CNTN5: variants seen among roughly 807,000 people sequenced by gnomAD.
CNTN5 encodes the protein contactin 5, also known as contactin-5.
Under a neutral mutation model 129.1 loss-of-function variants are expected in CNTN5, and 77 were observed. The observed-to-expected ratio is 0.60, with a 90% confidence interval of 0.50 to 0.72. CNTN5 has a LOEUF of 0.72. CNTN5 is among the 30% of genes least tolerant of loss of function. The probability of loss-of-function intolerance (pLI) is 0.00; values close to 1 mark genes in which losing one functional copy is unlikely to be tolerated. For synonymous variants in CNTN5, 509 were observed against 465.6 expected, an observed-to-expected ratio of 1.09 and a Z score of -1.20; for missense variants, 1,478 against 1,328.8, an observed-to-expected ratio of 1.11 and a Z score of -1.75.
intron 7 of CNTN5, among the ~76,000 whole-genome samples, chr11:99,921,843 GAAT>G (rs1253817724): frequency 6.6e-6 from 1 of 151,844 alleles, no homozygotes; most frequent in East Asian, 1.9e-4. Context: ...TCATAAATAA[GAAT>G]AGGAAAAAAA....
chr11:100,060,224 A>AT (rs1001645025), intron 9 of CNTN5, among the ~76,000 whole-genome samples: 4 of 151,772 alleles, frequency 2.6e-5, no homozygotes, highest in Admixed American at 1.3e-4. Flanking sequence ...TTAAAAAAAA[A>AT]AAAAAAAGAA....
intron 2 of CNTN5, among the ~76,000 whole-genome samples, chr11:99,330,878 T>A (rs904516382): frequency 6.6e-6 from 1 of 151,916 alleles, no homozygotes; most frequent in African/African-American, 2.4e-5. Flanking sequence ...TACCTAAAAA[T>A]TTATTTTTAT....
At chr11:100,287,102 C>T (rs1950814362) in intron 18 of CNTN5, among the ~76,000 whole-genome samples, 1 of 152,128 alleles carries the variant, frequency 6.6e-6, no homozygotes, top group Non-Finnish European at 1.5e-5. Flanking sequence ...AAATATGGGA[C>T]TATGTGAAAA....
rs538232597 is a variant in CNTN5 at position 100,232,272 on chromosome 11, T to C, written c.2005+7460T>C. On this transcript the variant is annotated intron_variant, in intron 16 of 24. Transcript: ENST00000524871. ...AGGAATTTGAAAAGGAGATGTGAAGTTGCTGTCAGAGACCAAGAGCTACTG... is the reference window on the plus strand; with the variant it reads ...AGGAATTTGAAAAGGAGATGTGAAGCTGCTGTCAGAGACCAAGAGCTACTG... Among the ~76,000 whole-genome samples, 56 of 152,302 alleles carry C rather than the reference T, an allele frequency of 3.7e-4. No individual in the cohort carries two copies. In the South Asian group the frequency reaches 8.3e-3, roughly 23 times the overall value.
In CNTN5 at chr11:99,710,207, CTGT is replaced by C. The variant is rs570291168; in HGVS notation, c.56-109330_56-109328del. ...CTATAGTCCCATTCTAGGGTCACCGCTGTTGTTGTATTTATCATCACTGCCCAG... is the reference window on the plus strand; with the variant it reads ...CTATAGTCCCATTCTAGGGTCACCGCTGTTGTATTTATCATCACTGCCCAG... On this transcript the variant is annotated intron_variant, in intron 3 of 24. Transcript: ENST00000524871. Among the ~76,000 whole-genome samples, 313 of 151,866 alleles carry C rather than the reference CTGT, an allele frequency of 2.1e-3. 2 individuals carry two copies. The highest frequency in any genetic ancestry group is 7.1e-3 in the African/African-American group (296 of 41,474).
intron 1 of CNTN5, among the ~76,000 whole-genome samples, chr11:99,227,714 T>C (rs1289760993): frequency 6.6e-6 from 1 of 152,174 alleles, no homozygotes; most frequent in Non-Finnish European, 1.5e-5. Context: ...TATTTGAATT[T>C]TAAAAAGGTA....
chr11:99,945,787 C>T (rs1180653087), intron 7 of CNTN5, among the ~76,000 whole-genome samples: 2 of 152,026 alleles, frequency 1.3e-5, no homozygotes, highest in East Asian at 1.9e-4. Flanking sequence ...CTTACACGCT[C>T]ATCGAGTTGA....
intron 1 of CNTN5, among the ~76,000 whole-genome samples, chr11:99,173,663 T>A (rs1033734133): frequency 2.6e-5 from 4 of 152,094 alleles, no homozygotes; most frequent in Non-Finnish European, 4.4e-5. Flanking sequence ...ATAGAAAAGG[T>A]GAGAAGAAGG....
chr11:100,196,221 G>T (rs937174739), intron 15 of CNTN5, among the ~76,000 whole-genome samples: 35 of 152,102 alleles, frequency 2.3e-4, no homozygotes, highest in African/African-American at 8.2e-4. Flanking sequence ...ACAGAACCCT[G>T]CCAGTGGGTG....
At chr11:100,151,683 A>G (rs1273880764) in intron 13 of CNTN5, among the ~76,000 whole-genome samples, 1 of 152,156 alleles carries the variant, frequency 6.6e-6, no homozygotes, top group African/African-American at 2.4e-5. Flanking sequence ...CCTATTTCCC[A>G]GATTTTATTA....
chr11:99,296,921 G>C (rs1864413055), intron 1 of CNTN5, among the ~76,000 whole-genome samples: 1 of 152,170 alleles, frequency 6.6e-6, no homozygotes, highest in Non-Finnish European at 1.5e-5. Context: ...GGAGAGACTA[G>C]ACAAGGTTAT....
chr11:100,227,114 G>T (rs1285624382), intron 16 of CNTN5, among the ~76,000 whole-genome samples: 1 of 152,100 alleles, frequency 6.6e-6, no homozygotes. Context: ...TGGCTGAGCA[G>T]TTCACTTTGC....
intron 3 of CNTN5, among the ~76,000 whole-genome samples, chr11:99,787,089 TG>T (rs1158303157): frequency 1.4e-4 from 5 of 36,490 alleles, no homozygotes; most frequent in South Asian, 6.9e-4. Context: ...TGAAACTACA[TG>T]TTTTTTTTTT....
At chr11:99,477,486 C>A (rs1348414152) in intron 2 of CNTN5, among the ~76,000 whole-genome samples, 1 of 151,532 alleles carries the variant, frequency 6.6e-6, no homozygotes, top group Non-Finnish European at 1.5e-5. Flanking sequence ...TTTAATTATT[C>A]TAACCCTAAA....
rs143807471 is a variant in CNTN5, at chr11:99,847,912, C to G, written c.577+2650C>G. On this transcript the variant is annotated intron_variant, in intron 6 of 24. Coordinates refer to ENST00000524871, the MANE Select transcript of CNTN5 (RefSeq NM_014361.4). ...GAAAGAACACAAAGGCAAGGTGAAA[C>G]TTGAAAAATTAGTCCGCAGGCTGGG... 7.4e-4 allele frequency among the ~76,000 whole-genome samples: 113 copies of G among 152,162 alleles called. 1 individual carries two copies. The highest frequency in any genetic ancestry group is 2.6e-3 in the African/African-American group (109 of 41,538).
At chr11:99,228,756 A>G (rs2135721920) in intron 1 of CNTN5, among the ~76,000 whole-genome samples, 1 of 152,132 alleles carries the variant, frequency 6.6e-6, no homozygotes, top group East Asian at 1.9e-4. Flanking sequence ...TGTTTTTAAT[A>G]CTGGTATTTT....
At chr11:100,105,824 A>C (rs1346722790) in intron 13 of CNTN5, among the ~76,000 whole-genome samples, 1 of 152,182 alleles carries the variant, frequency 6.6e-6, no homozygotes, top group Non-Finnish European at 1.5e-5. Context: ...CCAAGGCTCC[A>C]TGCAGCAGCA....
At chr11:99,873,556 A>G (rs1468964300) in intron 6 of CNTN5, among the ~76,000 whole-genome samples, 1 of 152,116 alleles carries the variant, frequency 6.6e-6, no homozygotes, top group Non-Finnish European at 1.5e-5. Context: ...TAAGAGGTCA[A>G]CAAACAACAG....
intron 3 of CNTN5, among the ~76,000 whole-genome samples, chr11:99,753,119 C>CT (rs375324214): frequency 0.038 from 3,489 of 92,904 alleles, 281 homozygotes; most frequent in East Asian, 0.081. Flanking sequence ...GCCATATTTG[C>CT]TTTTTTTTTT....
Sources: allele counts gnomAD v4.1 joint callset (sites outside exome capture counted in the v4.1 genomes callset), GRCh38; gene constraint gnomAD v4.1.1; transcripts MANE v1.5; gene names NCBI Gene and HGNC (gene_info 2026-07-23, HGNC 2026-07-21).